OCM: variants seen among roughly 807,000 people sequenced by gnomAD.
OCM encodes the protein oncomodulin-1.
A neutral mutation model predicts 14.1 loss-of-function variants in OCM; 18 were observed. That is an observed-to-expected ratio of 1.28 (90% CI 0.88 to 1.89). The LOEUF (loss-of-function observed/expected upper bound fraction) is 1.89, where lower values mean the gene tolerates loss of function less well. OCM is among the 40% of genes most tolerant of loss of function. The probability of loss-of-function intolerance (pLI) is 0.00; values close to 1 mark genes in which losing one functional copy is unlikely to be tolerated. For missense variants in OCM, 140 were observed against 137.6 expected, an observed-to-expected ratio of 1.02 and a Z score of -0.09; for synonymous variants, 48 against 51.0, an observed-to-expected ratio of 0.94 and a Z score of 0.25.
the OCM span, among the ~76,000 whole-genome samples, chr7:5,860,817 C>T: frequency 6.8e-6 from 1 of 146,026 alleles, no homozygotes; most frequent in African/African-American, 2.5e-5. Flanking sequence ...TACACACATA[C>T]ATATATATAC....
the OCM span, among the ~76,000 whole-genome samples, chr7:5,868,770 T>C: frequency 2.0e-5 from 3 of 152,082 alleles, no homozygotes; most frequent in African/African-American, 7.2e-5. Context: ...GTACTCATGC[T>C]ACTGAGTCCA....
the OCM span, among the ~76,000 whole-genome samples, chr7:5,871,432 C>CT: frequency 6.6e-6 from 1 of 152,008 alleles, no homozygotes; most frequent in Non-Finnish European, 1.5e-5. Context: ...GGCTTCAAGG[C>CT]AAACCTCCCA....
intron 1 of OCM, among the ~76,000 whole-genome samples, chr7:5,881,461 C>T (rs980464164): frequency 4.0e-4 from 61 of 151,792 alleles, no homozygotes; most frequent in African/African-American, 1.5e-3. Context: ...ATCTCTACAA[C>T]ATAACAATAA....
At chr7:5,862,667 A>G in the OCM span, among the ~76,000 whole-genome samples, 1 of 151,962 alleles carries the variant, frequency 6.6e-6, no homozygotes, top group Non-Finnish European at 1.5e-5. Context: ...TAAACTCTTT[A>G]CTCCCTCTTT....
chr7:5,862,123 C>T, the OCM span, among the ~76,000 whole-genome samples: 6 of 152,080 alleles, frequency 3.9e-5, no homozygotes, highest in African/African-American at 4.8e-5. Flanking sequence ...TTCATGTGCT[C>T]GTTTGCCATC....
At chr7:5,861,954 C>A in the OCM span, among the ~76,000 whole-genome samples, 1 of 152,026 alleles carries the variant, frequency 6.6e-6, no homozygotes, top group Admixed American at 6.6e-5. Context: ...AGTGGCTGTT[C>A]ACAGGCACGA....
intron 2 of OCM, among the ~76,000 whole-genome samples, 165 bp downstream of exon 2, chr7:5,882,790 C>T (rs1781247689): frequency 6.6e-6 from 1 of 151,774 alleles, no homozygotes; most frequent in African/African-American, 2.4e-5. Flanking sequence ...CGCACATCTA[C>T]CCATGCAAAG....
chr7:5,882,561 G>T lies in OCM; in HGVS notation c.130G>T (p.Val44Leu). 6.2e-7 allele frequency: 1 copy of T among 1,614,116 alleles called. No individual in the cohort carries two copies. The highest frequency in any genetic ancestry group is 8.5e-7 in the Non-Finnish European group (1 of 1,180,024). ...CCTCTCCAAGATGTCAGCCAATCAG[G>T]TGAAGGATGTTTTCCGGTTCATAGA... is the stretch of plus-strand genomic sequence containing the variant. ...SGLSKMSANQ[V>L]KDVFRFIDND... The change falls in exon 2 of 4, where the codon GTG becomes TTG. Residue 44 changes from valine to leucine, a missense_variant. Physicochemically the swap from Val to Leu is conservative, Grantham distance 32. Coordinates refer to ENST00000242104, the MANE Select transcript of OCM (RefSeq NM_001097622.2).
At chr7:5,883,290 G>A (rs1055063890) in intron 2 of OCM, among the ~76,000 whole-genome samples, 41 of 152,212 alleles carry the variant, frequency 2.7e-4, no homozygotes, top group African/African-American at 9.6e-4. Flanking sequence ...GGCAGAGGTT[G>A]CAGTGAGCCC....
chr7:5,873,519 A>G, the OCM span, among the ~76,000 whole-genome samples: 1 of 152,000 alleles, frequency 6.6e-6, no homozygotes, highest in African/African-American at 2.4e-5. Context: ...AGTTATTTTC[A>G]TTTTTTGTAG....
rs1219077477 is a variant in OCM, at chr7:5,886,209, C to G, written c.*120C>G. 3 of 1,293,472 alleles carry G rather than the reference C, an allele frequency of 2.3e-6. No individual in the cohort carries two copies. Among genetic ancestry groups the G allele is most frequent in the South Asian group, 2.6e-5 (2 of 76,608 alleles). 80.1% of individuals were successfully genotyped at this position (1,293,472 alleles called of 1,614,324 possible). The stretch of plus-strand genomic sequence containing the variant: ...TAATTTGTTAATTTTCCCTGAAAAC[C>G]TTCTGCAGTTTGCTCATTGTTTTAG... On this transcript the variant is annotated 3_prime_UTR_variant, in exon 4 of 4. Transcript: ENST00000242104.
chr7:5,864,230 T>G, the OCM span, among the ~76,000 whole-genome samples: 1 of 149,092 alleles, frequency 6.7e-6, no homozygotes, highest in African/African-American at 2.5e-5. Context: ...TCCCAGCTCC[T>G]GGTTGGGGGG....
Position 5,882,586 on chromosome 7 carries a change from A to C in OCM, c.155A>C (p.Asp52Ala), listed in dbSNP as rs1312581724. Residue 52 changes from aspartate (D) to alanine (A), a missense_variant, in exon 2 of 4, where the codon GAC (aspartate) becomes GCC (alanine). Asp to Ala is a moderately radical substitution (Grantham distance 126). Transcript: ENST00000242104. The stretch of plus-strand genomic sequence containing the variant: ...GTGAAGGATGTTTTCCGGTTCATAG[A>C]CAACGACCAGAGCGGGTACCTGGAT... Reference protein sequence around the residue: ...NQVKDVFRFIDNDQSGYLDEE... With the variant: ...NQVKDVFRFIANDQSGYLDEE... 5 of 1,614,028 alleles carry C rather than the reference A, an allele frequency of 3.1e-6. No individual in the cohort carries two copies.
intron 3 of OCM, among the ~76,000 whole-genome samples, chr7:5,885,142 C>A (rs899212969): frequency 6.8e-6 from 1 of 146,746 alleles, no homozygotes; most frequent in African/African-American, 2.5e-5. Context: ...AAAAACATAA[C>A]CATGAAGGAT....
the OCM span, among the ~76,000 whole-genome samples, chr7:5,873,033 A>C: frequency 6.6e-6 from 1 of 152,002 alleles, no homozygotes; most frequent in Non-Finnish European, 1.5e-5. Flanking sequence ...GCATCATTGC[A>C]CTCCAGCTTG....
chr7:5,860,805 C>CATAT, the OCM span, among the ~76,000 whole-genome samples: 61,310 of 109,846 alleles, frequency 0.56, 20,794 homozygotes, highest in African/African-American at 0.87. Context: ...TATATACACA[C>CATAT]ATACACACAT....
chr7:5,870,893 C>CT, the OCM span, among the ~76,000 whole-genome samples: 73,826 of 148,840 alleles, frequency 0.5, 18,519 homozygotes, highest in Middle Eastern at 0.59. Context: ...TGATGAGTAT[C>CT]TTTTTTTTTT....
chr7:5,878,875 TAAAA>T (rs57901741), upstream of OCM, among the ~76,000 whole-genome samples: 387 of 102,002 alleles, frequency 3.8e-3, 1 homozygote, highest in African/African-American at 0.012. Flanking sequence ...TGCTGAAAGT[TAAAA>T]AAAAAAAAAA....
At chr7:5,866,600 T>C in the OCM span, among the ~76,000 whole-genome samples, 1 of 152,140 alleles carries the variant, frequency 6.6e-6, no homozygotes, top group Non-Finnish European at 1.5e-5. Context: ...AAAAACCAAA[T>C]GTGTTGTTTG....
Sources: allele counts gnomAD v4.1 joint callset (sites outside exome capture counted in the v4.1 genomes callset), GRCh38; gene constraint gnomAD v4.1.1; transcripts MANE v1.5; gene names NCBI Gene and HGNC (gene_info 2026-07-23, HGNC 2026-07-21).